Variants in NEGR1 observed in about 807,000 individuals in gnomAD.
NEGR1 encodes the protein neuronal growth regulator 1.
In NEGR1, 10 loss-of-function variants were observed where a neutral mutation model predicts 40.9. The observed-to-expected ratio is 0.24, with a 90% CI of 0.15 to 0.42. NEGR1 has a LOEUF of 0.42. NEGR1 is among the 10% of genes least tolerant of loss of function. The pLI, the probability that NEGR1 is intolerant of heterozygous loss-of-function variation, is 1.00. For synonymous variants in NEGR1, 185 were observed against 166.8 expected, an observed-to-expected ratio of 1.11 and a Z score of -0.84; for missense variants, 352 against 438.9, an observed-to-expected ratio of 0.80 and a Z score of 1.77.
chr1:71,679,078 T>G (rs1055043703), intron 4 of NEGR1, among the ~76,000 whole-genome samples: 2 of 152,134 alleles, frequency 1.3e-5, no homozygotes, highest in Non-Finnish European at 2.9e-5. Context: ...GGCTTGGAGT[T>G]GCAGCTTTAA....
At chr1:72,281,741 G>T (rs1317326963) in intron 1 of NEGR1, among the ~76,000 whole-genome samples, 1 of 151,936 alleles carries the variant, frequency 6.6e-6, no homozygotes, top group Non-Finnish European at 1.5e-5. Context: ...AATAGAAAAG[G>T]TATGAAAAGA....
intron 1 of NEGR1, among the ~76,000 whole-genome samples, chr1:72,258,184 T>C (rs993198703): frequency 6.6e-6 from 1 of 152,186 alleles, no homozygotes; most frequent in African/African-American, 2.4e-5. Flanking sequence ...TGACAATACC[T>C]AGATTTCTTT....
chr1:71,825,059 A>T (rs1250040934), intron 2 of NEGR1, among the ~76,000 whole-genome samples: 5 of 151,918 alleles, frequency 3.3e-5, no homozygotes, highest in African/African-American at 1.2e-4. Flanking sequence ...TTTCAACTTT[A>T]TAAGAAACTA....
rs1401995384 is a variant in NEGR1, at chr1:71,737,580, CTTA to C, written c.535+38589_535+38591del. On this transcript the variant is annotated intron_variant, in intron 3 of 6. Coordinates refer to ENST00000357731, the MANE Select transcript of NEGR1 (RefSeq NM_173808.3). ...ATGCCAAACAAAATAGAGACTAAAACTTATTTTATTTTATTTTATTTTGATTTA... is the reference window on the plus strand; with the variant it reads ...ATGCCAAACAAAATAGAGACTAAAACTTTTATTTTATTTTATTTTGATTTA... Among the ~76,000 whole-genome samples the C allele has an allele frequency of 2.6e-5, 4 of 151,966 alleles. No homozygotes were observed. The East Asian group carries it at 7.7e-4, about 29-fold the overall frequency.
At chr1:71,900,388 T>C (rs1311904708) in intron 2 of NEGR1, among the ~76,000 whole-genome samples, 1 of 152,206 alleles carries the variant, frequency 6.6e-6, no homozygotes, top group Non-Finnish European at 1.5e-5. Flanking sequence ...ATTAAAATTA[T>C]TTATTGCATT....
intron 1 of NEGR1, among the ~76,000 whole-genome samples, chr1:72,092,877 T>C (rs1179833395): frequency 6.6e-6 from 1 of 152,060 alleles, no homozygotes; most frequent in Non-Finnish European, 1.5e-5. Context: ...GTCTCAAATT[T>C]CTGGGTTCAA....
chr1:72,092,719 C>A (rs1052420562), intron 1 of NEGR1, among the ~76,000 whole-genome samples: 2 of 151,942 alleles, frequency 1.3e-5, no homozygotes, highest in Non-Finnish European at 2.9e-5. Context: ...AGTATATCTT[C>A]GTTCACTGCA....
rs553321572 is a variant in NEGR1 at position 71,635,513 on chromosome 1, A to T, written c.668-24367T>A. Among the ~76,000 whole-genome samples, 82 of 152,200 alleles carry T rather than the reference A, an allele frequency of 5.4e-4. No homozygotes were observed. The Middle Eastern group carries it at 0.01, about 19-fold the overall frequency. ...GGGTTTGAGAGAAGTATTTGAGGCA[A>T]AATGGAGAGAGTTGAGGATAGATTG... On this transcript the variant is annotated intron_variant, in intron 4 of 6. Transcript: ENST00000357731.
At chr1:71,591,244 G>A (rs1019569255) in intron 6 of NEGR1, among the ~76,000 whole-genome samples, 2 of 152,144 alleles carry the variant, frequency 1.3e-5, no homozygotes, top group Admixed American at 6.5e-5. Flanking sequence ...GAGATGATGA[G>A]AGTCTCTTCT....
At chr1:71,555,074 G>A (rs1428221129) in intron 6 of NEGR1, among the ~76,000 whole-genome samples, 3 of 151,534 alleles carry the variant, frequency 2.0e-5, no homozygotes, top group African/African-American at 4.8e-5. Flanking sequence ...CAGCCACTTC[G>A]AATTCAATTT....
intron 4 of NEGR1, among the ~76,000 whole-genome samples, chr1:71,650,591 T>C (rs1404896052): frequency 6.6e-6 from 1 of 152,220 alleles, no homozygotes; most frequent in Non-Finnish European, 1.5e-5. Flanking sequence ...GCAAGTTTTC[T>C]CCCTGTTGTT....
intron 6 of NEGR1, among the ~76,000 whole-genome samples, chr1:71,410,789 C>T (rs1376303606): frequency 6.6e-6 from 1 of 152,092 alleles, no homozygotes; most frequent in East Asian, 1.9e-4. Context: ...TAATGATACT[C>T]AAGTTAAGGG....
chr1:71,820,682 G>C (rs987950160), intron 2 of NEGR1, among the ~76,000 whole-genome samples: 5 of 151,888 alleles, frequency 3.3e-5, no homozygotes, highest in Non-Finnish European at 5.9e-5. Context: ...TTGGGAGTTG[G>C]ATCTTTGGTC....
chr1:71,739,221 A>AAAAC, intron 3 of NEGR1, among the ~76,000 whole-genome samples: 1 of 151,070 alleles, frequency 6.6e-6, no homozygotes, highest in African/African-American at 2.4e-5. Flanking sequence ...AAAAAAACAA[A>AAAAC]AAAAAAAAAC....
At chr1:71,949,675 T>G (rs533144748) in intron 1 of NEGR1, among the ~76,000 whole-genome samples, 1 of 152,180 alleles carries the variant, frequency 6.6e-6, no homozygotes, top group South Asian at 2.1e-4. Context: ...TGTTTCAAAT[T>G]ATCCTAAATT....
intron 1 of NEGR1, among the ~76,000 whole-genome samples, chr1:72,115,060 T>C (rs1194795623): frequency 1.3e-5 from 2 of 151,736 alleles, no homozygotes; most frequent in Non-Finnish European, 2.9e-5. Context: ...TTGGGAAAGA[T>C]AGATACTGAA....
At chr1:72,256,968 A>G (rs1655290280) in intron 1 of NEGR1, among the ~76,000 whole-genome samples, 1 of 152,184 alleles carries the variant, frequency 6.6e-6, no homozygotes, top group Non-Finnish European at 1.5e-5. Context: ...ACTCATTTAA[A>G]CTCAAATTAA....
At chr1:72,187,351 A>C (rs1183931557) in intron 1 of NEGR1, among the ~76,000 whole-genome samples, 2 of 151,510 alleles carry the variant, frequency 1.3e-5, no homozygotes, top group Non-Finnish European at 3.0e-5. Context: ...TTGAAACAAC[A>C]TAGGAAATAT....
chr1:71,509,808 C>A (rs1244199587), intron 6 of NEGR1, among the ~76,000 whole-genome samples: 1 of 152,176 alleles, frequency 6.6e-6, no homozygotes, highest in African/African-American at 2.4e-5. Context: ...TTAACTACAT[C>A]TATTATAATC....
Sources: gnomAD v4.1 joint callset for allele counts (sites outside exome capture counted in the v4.1 genomes callset) on GRCh38, gnomAD v4.1.1 for gene constraint, MANE v1.5 for transcripts, NCBI Gene and HGNC (gene_info 2026-07-23, HGNC 2026-07-21) for gene names.